Variants in UTRN observed in about 807,000 individuals in gnomAD.
UTRN encodes utrophin.
A neutral mutation model predicts 463.9 loss-of-function variants in UTRN; 283 were observed. The ratio of observed to expected loss-of-function variants is 0.61; its 90% CI spans 0.55 to 0.67. The LOEUF is 0.67. Among genes scored for constraint, UTRN ranks in the 30% least tolerant of loss-of-function variants. The pLI, the probability that UTRN is intolerant of heterozygous loss-of-function variation, is 0.00. For synonymous variants in UTRN, 1,442 were observed against 1,431.5 expected, an observed-to-expected ratio of 1.01 and a Z score of -0.17; for missense variants, 3,922 against 4,084.3, an observed-to-expected ratio of 0.96 and a Z score of 1.08.
intron 27 of UTRN, among the ~76,000 whole-genome samples, chr6:144,484,465 G>A (rs1792222803): frequency 1.2e-5 from 1 of 82,510 alleles, no homozygotes; most frequent in Admixed American, 1.7e-4. Context: ...TTTTTGAGAT[G>A]GAGTTTCACT....
intron 52 of UTRN, among the ~76,000 whole-genome samples, chr6:144,683,212 G>T (rs1035601911): frequency 1.3e-5 from 2 of 152,182 alleles, no homozygotes; most frequent in African/African-American, 2.4e-5. Context: ...GGGCAAGGTG[G>T]CTTCCCAAGT....
At chr6:144,494,014 A>T (rs1347812580) in intron 33 of UTRN, among the ~76,000 whole-genome samples, 3 of 152,160 alleles carry the variant, frequency 2.0e-5, no homozygotes, top group Non-Finnish European at 2.9e-5. Context: ...AAAAAAATTT[A>T]TTTTTAATAT....
chr6:144,520,236 C>A (rs1344039798), intron 39 of UTRN, among the ~76,000 whole-genome samples: 1 of 152,130 alleles, frequency 6.6e-6, no homozygotes, highest in African/African-American at 2.4e-5. Flanking sequence ...AGAGGGAGAA[C>A]AATTGAGCCT....
At chr6:144,605,230 C>T (rs1159759573) in intron 51 of UTRN, among the ~76,000 whole-genome samples, 1 of 151,970 alleles carries the variant, frequency 6.6e-6, no homozygotes, top group Non-Finnish European at 1.5e-5. Flanking sequence ...GTTATATATC[C>T]AAAACAGCAC....
chr6:144,309,779 C>T (rs1348569184), intron 2 of UTRN, among the ~76,000 whole-genome samples: 1 of 152,188 alleles, frequency 6.6e-6, no homozygotes, highest in Non-Finnish European at 1.5e-5. Context: ...AGTGACTCCC[C>T]ATTCCAGTTG....
At chr6:144,667,558 T>C (rs1036689614) in intron 51 of UTRN, among the ~76,000 whole-genome samples, 2 of 152,194 alleles carry the variant, frequency 1.3e-5, no homozygotes, top group African/African-American at 4.8e-5. Flanking sequence ...TCATTGAGCT[T>C]CCTGAGAAAG....
chr6:144,569,375 A>G (rs535677676), intron 50 of UTRN, among the ~76,000 whole-genome samples: 2 of 152,200 alleles, frequency 1.3e-5, no homozygotes, highest in Admixed American at 1.3e-4. Flanking sequence ...TACCAGCTAT[A>G]TATGCATTAA....
At chr6:144,317,641 C>T (rs1006448369) in intron 2 of UTRN, among the ~76,000 whole-genome samples, 1 of 152,202 alleles carries the variant, frequency 6.6e-6, no homozygotes, top group Admixed American at 6.5e-5. Flanking sequence ...AAGTGATCCA[C>T]CCACCTCGGC....
chr6:144,704,224 T>C (rs922845939), intron 53 of UTRN, among the ~76,000 whole-genome samples: 21 of 152,250 alleles, frequency 1.4e-4, no homozygotes, highest in Non-Finnish European at 3.1e-4. Flanking sequence ...TTTTTTGCTC[T>C]ATTATGTCAG....
chr6:144,634,485 G>A (rs1412057312), intron 51 of UTRN, among the ~76,000 whole-genome samples: 1 of 152,092 alleles, frequency 6.6e-6, no homozygotes, highest in Non-Finnish European at 1.5e-5. Context: ...TCAGGATTAG[G>A]GTTTATGAGG....
chr6:144,828,549 G>T (rs1780389096), intron 68 of UTRN, among the ~76,000 whole-genome samples: 1 of 152,174 alleles, frequency 6.6e-6, no homozygotes, highest in Non-Finnish European at 1.5e-5. Flanking sequence ...TCAATTAGAA[G>T]ATTAGGTCAG....
At chr6:144,757,433 G>T (rs904714379) in intron 57 of UTRN, among the ~76,000 whole-genome samples, 1 of 151,858 alleles carries the variant, frequency 6.6e-6, no homozygotes, top group African/African-American at 2.4e-5. Context: ...CTTTTTAAAT[G>T]TTATAGAATT....
chr6:144,657,722 G>A (rs1331208917), intron 51 of UTRN, among the ~76,000 whole-genome samples: 1 of 152,148 alleles, frequency 6.6e-6, no homozygotes, highest in African/African-American at 2.4e-5. Context: ...GTTGTTCCAC[G>A]GAGTTTTTGT....
chr6:144,799,005 G>T (rs901202684), intron 64 of UTRN, among the ~76,000 whole-genome samples: 7 of 152,248 alleles, frequency 4.6e-5, no homozygotes, highest in African/African-American at 1.7e-4. Context: ...CTCCCAAAGT[G>T]CTGGGATTAC....
At chr6:144,410,820 GTA>G (rs10605693) in intron 3 of UTRN, among the ~76,000 whole-genome samples, 42,926 of 134,304 alleles carry the variant, frequency 0.32, 6,275 homozygotes, top group Non-Finnish European at 0.33. Context: ...GTGTGTGTGT[GTA>G]TATACACACC....
intron 51 of UTRN, among the ~76,000 whole-genome samples, chr6:144,601,953 G>T (rs374229108): frequency 3.5e-4 from 54 of 152,124 alleles, no homozygotes; most frequent in African/African-American, 1.3e-3. Context: ...ATAGACAATC[G>T]TTAGCATTTT....
intron 2 of UTRN, among the ~76,000 whole-genome samples, chr6:144,305,425 A>G (rs181875869): frequency 1.3e-5 from 2 of 152,352 alleles, no homozygotes; most frequent in East Asian, 3.9e-4. Context: ...AGTTTTATCT[A>G]TAATATTTAA....
intron 52 of UTRN, among the ~76,000 whole-genome samples, chr6:144,681,934 C>T (rs954176925): frequency 1.3e-5 from 2 of 152,056 alleles, no homozygotes; most frequent in East Asian, 1.9e-4. Flanking sequence ...ATAATCACAT[C>T]GTGGAAAATG....
At chr6:144,646,910 A>G (rs1349725502) in intron 51 of UTRN, among the ~76,000 whole-genome samples, 2 of 152,186 alleles carry the variant, frequency 1.3e-5, no homozygotes, top group Admixed American at 6.5e-5. Context: ...TGGTGGGTAA[A>G]TGAAAACCAG....
Sources: allele counts gnomAD v4.1 joint callset (sites outside exome capture counted in the v4.1 genomes callset), GRCh38; gene constraint gnomAD v4.1.1; transcripts MANE v1.5; gene names NCBI Gene and HGNC (gene_info 2026-07-23, HGNC 2026-07-21).